IFT80: variants seen among roughly 807,000 people sequenced by gnomAD.
IFT80 encodes the protein intraflagellar transport 80.
A neutral mutation model predicts 107.9 loss-of-function variants in IFT80; 79 were observed. The ratio of observed to expected loss-of-function variants is 0.73; its 90% CI spans 0.61 to 0.88. IFT80 has a LOEUF of 0.88. Ranked by LOEUF, IFT80 falls within the 40% of genes least tolerant of loss-of-function variation. The pLI is 0.00. For missense variants in IFT80, 797 were observed against 914.2 expected (o/e 0.87, Z 1.65); for synonymous variants, 299 against 300.9 (o/e 0.99, Z 0.07).
At chr3:160,307,399 T>C (rs953046407) in intron 10 of IFT80, among the ~76,000 whole-genome samples, 82 of 152,318 alleles carry the variant, frequency 5.4e-4, no homozygotes, top group African/African-American at 1.8e-3. Context: ...TCCTCCTGCT[T>C]TGGTCTCCAA....
chr3:160,264,067 G>A (rs148131281), intron 19 of IFT80, among the ~76,000 whole-genome samples: 66 of 152,026 alleles, frequency 4.3e-4, no homozygotes, highest in African/African-American at 1.5e-3. Context: ...CTCCCAAAGT[G>A]TTGGGATTAC....
At chr3:160,267,147 C>T (rs1300762035) in intron 19 of IFT80, among the ~76,000 whole-genome samples, 1 of 152,176 alleles carries the variant, frequency 6.6e-6, no homozygotes, top group African/African-American at 2.4e-5. Context: ...CTGCTAAACT[C>T]TAAGAATGGT....
intron 8 of IFT80, among the ~76,000 whole-genome samples, chr3:160,340,594 A>C (rs1019750147): frequency 6.6e-6 from 1 of 152,166 alleles, no homozygotes; most frequent in Non-Finnish European, 1.5e-5. Flanking sequence ...TCTAGAGGCC[A>C]CCTGCATTCC....
At chr3:160,361,049 G>C (rs1301303446) in intron 6 of IFT80, among the ~76,000 whole-genome samples, 1 of 152,124 alleles carries the variant, frequency 6.6e-6, no homozygotes, top group Non-Finnish European at 1.5e-5. Flanking sequence ...AATGTAAATG[G>C]GCTAAATGCC....
intron 9 of IFT80, among the ~76,000 whole-genome samples, chr3:160,317,548 A>G (rs1717908238): frequency 6.6e-6 from 1 of 152,110 alleles, no homozygotes; most frequent in Admixed American, 6.6e-5. Context: ...TTAGCTATAA[A>G]TATAATATTA....
chr3:160,309,718 G>A (rs984717336), intron 9 of IFT80, among the ~76,000 whole-genome samples: 1 of 151,628 alleles, frequency 6.6e-6, no homozygotes. Flanking sequence ...AGAACAGCGT[G>A]TATAGTATGA....
At chr3:160,359,242 C>T (rs1288210863) in intron 6 of IFT80, among the ~76,000 whole-genome samples, 2 of 151,996 alleles carry the variant, frequency 1.3e-5, no homozygotes, top group African/African-American at 4.9e-5. Context: ...ATTCACTCTA[C>T]TACCTCCTGG....
At chr3:160,397,224 T>C (rs181979721) in intron 1 of IFT80, among the ~76,000 whole-genome samples, 13 of 152,324 alleles carry the variant, frequency 8.5e-5, no homozygotes, top group Admixed American at 6.5e-4. Context: ...TACTGTTATA[T>C]AGTAACAATC....
intron 5 of IFT80, among the ~76,000 whole-genome samples, chr3:160,375,232 T>C (rs748015693): frequency 2.0e-5 from 3 of 152,110 alleles, no homozygotes; most frequent in Admixed American, 2.0e-4. Context: ...AAAAATCATA[T>C]GTAATCTAAC....
At chr3:160,342,940 CA>C in intron 8 of IFT80, 1 of 154,744 alleles carries the variant, frequency 6.5e-6, no homozygotes, top group South Asian at 1.9e-4. Context: ...TGGTTTGTGC[CA>C]AAATCCAAAG....
chr3:160,286,897 T>C (rs1230473270), intron 12 of IFT80, among the ~76,000 whole-genome samples: 1 of 152,058 alleles, frequency 6.6e-6, no homozygotes, highest in Non-Finnish European at 1.5e-5. Context: ...AGAGTATCTT[T>C]ATTATTGCTA....
intron 8 of IFT80, among the ~76,000 whole-genome samples, chr3:160,329,102 T>A (rs964104737): frequency 6.6e-5 from 10 of 152,040 alleles, no homozygotes; most frequent in African/African-American, 2.4e-4. Context: ...ATGACACACA[T>A]GTTATCTATG....
At chr3:160,292,475 C>CTT (rs142116230) in intron 12 of IFT80, among the ~76,000 whole-genome samples, 249 of 115,336 alleles carry the variant, frequency 2.2e-3, no homozygotes, top group Non-Finnish European at 3.0e-3. Context: ...AGAGAGATTC[C>CTT]TTTTTTTTTT....
intron 13 of IFT80, among the ~76,000 whole-genome samples, chr3:160,285,053 C>T (rs1576751514): frequency 6.6e-6 from 1 of 151,940 alleles, no homozygotes; most frequent in South Asian, 2.1e-4. Flanking sequence ...AAATTTAAAA[C>T]TAGGGCCAGG....
Position 160,395,467 on chromosome 3 carries a change from C to A in IFT80, c.-47+3679G>T, listed in dbSNP as rs560893001. Among the ~76,000 whole-genome samples the A allele has an allele frequency of 1.3e-3, 192 of 152,330 alleles. 1 individual carries two copies. Among genetic ancestry groups the A allele is most frequent in the African/African-American group, 4.2e-3 (175 of 41,568 alleles). ...AAAAAGAATTTCTCTTTGCAACAAC[C>A]ACTTCCTCACTGTTAGCCCATGTGG... On this transcript the variant is annotated intron_variant, in intron 1 of 19. Coordinates refer to ENST00000326448, the MANE Select transcript of IFT80 (RefSeq NM_020800.3).
chr3:160,261,064 T>C (rs1234243382), intron 19 of IFT80, among the ~76,000 whole-genome samples: 1 of 152,184 alleles, frequency 6.6e-6, no homozygotes, highest in Non-Finnish European at 1.5e-5. Flanking sequence ...CTGACTTCAA[T>C]TATTCCTCAC....
At chr3:160,292,627 AC>A (rs1715658489) in intron 12 of IFT80, among the ~76,000 whole-genome samples, 3 of 151,830 alleles carry the variant, frequency 2.0e-5, no homozygotes, top group Admixed American at 2.0e-4. Flanking sequence ...TTACAGGTGC[AC>A]ACCACCACGG....
At chr3:160,268,725 C>G in intron 18 of IFT80, 189 bp from the exon 19 acceptor site, 3 of 568,902 alleles carry the variant, frequency 5.3e-6, no homozygotes, top group Non-Finnish European at 9.4e-6. Flanking sequence ...TCAAACATGG[C>G]CTCTTCTCCC....
At chr3:160,342,655 T>G (rs946034981) in intron 8 of IFT80, 5 of 152,368 alleles carry the variant, frequency 3.3e-5, no homozygotes, top group African/African-American at 1.2e-4. Flanking sequence ...TGTGGAGGCC[T>G]GCTGGGAACA....
Sources: gnomAD v4.1 joint callset for allele counts (sites outside exome capture counted in the v4.1 genomes callset) on GRCh38, gnomAD v4.1.1 for gene constraint, MANE v1.5 for transcripts, NCBI Gene and HGNC (gene_info 2026-07-23, HGNC 2026-07-21) for gene names.